Variants in GPR176 observed in about 807,000 individuals in gnomAD.
The protein encoded by GPR176 is G-protein coupled receptor 176.
In GPR176, 26 loss-of-function variants were observed where a neutral mutation model predicts 35.4. The ratio of observed to expected loss-of-function variants is 0.74; its 90% CI spans 0.54 to 1.02. The LOEUF (loss-of-function observed/expected upper bound fraction) is 1.02, where lower values mean the gene tolerates loss of function less well. Among genes scored for constraint, GPR176 ranks in the 50% least tolerant of loss-of-function variants. The probability of loss-of-function intolerance (pLI) is 0.00; values close to 1 mark genes in which losing one functional copy is unlikely to be tolerated. For missense variants in GPR176, 597 were observed against 665.3 expected (o/e 0.90, Z 1.13); for synonymous variants, 278 against 271.3 (o/e 1.02, Z -0.24).
intron 1 of GPR176, among the ~76,000 whole-genome samples, chr15:39,864,617 C>A (rs535202399): frequency 1.6e-4 from 24 of 152,178 alleles, no homozygotes; most frequent in African/African-American, 5.5e-4. Flanking sequence ...AAAAACTCTT[C>A]TGGACATTGG....
chr15:39,839,958 C>T (rs866461295), intron 1 of GPR176, among the ~76,000 whole-genome samples: 17 of 152,078 alleles, frequency 1.1e-4, no homozygotes, highest in Middle Eastern at 3.2e-3. Flanking sequence ...GTTAGAATGG[C>T]GATCATTAAA....
intron 1 of GPR176, among the ~76,000 whole-genome samples, chr15:39,889,499 A>T (rs1471614323): frequency 6.6e-6 from 1 of 151,912 alleles, no homozygotes; most frequent in Non-Finnish European, 1.5e-5. Flanking sequence ...GTGAGCTGAG[A>T]TTGTGCCATT....
rs190007805 is a variant in GPR176 at position 39,865,927 on chromosome 15, G to A, written c.172+53928C>T. The stretch of plus-strand genomic sequence containing the variant: ...TATTCATTGTAGCATTAGTTGTAAC[G>A]GTGAAAGACTGGAAACAAAACAGAT... On this transcript the variant is annotated intron_variant, in intron 1 of 2. Transcript: ENST00000561100. 5.9e-5 allele frequency among the ~76,000 whole-genome samples: 9 copies of A among 151,990 alleles called. No homozygotes were observed. In the East Asian group the frequency reaches 9.7e-4, roughly 16 times the overall value.
intron 1 of GPR176, among the ~76,000 whole-genome samples, chr15:39,835,020 C>T (rs1901306169): frequency 6.6e-6 from 1 of 151,484 alleles, no homozygotes. Context: ...ATCAAAATAT[C>T]TTTTTTTTTA....
chr15:39,907,413 G>A (rs1450755475), intron 1 of GPR176, among the ~76,000 whole-genome samples: 1 of 152,198 alleles, frequency 6.6e-6, no homozygotes, highest in African/African-American at 2.4e-5. Flanking sequence ...TGGATCAGCT[G>A]AGGACACTCA....
At chr15:39,867,375 A>G (rs2031871087) in intron 1 of GPR176, among the ~76,000 whole-genome samples, 1 of 152,224 alleles carries the variant, frequency 6.6e-6, no homozygotes, top group Non-Finnish European at 1.5e-5. Context: ...AATGTGGACA[A>G]TAAGAATAAG....
chr15:39,865,771 C>A (rs1186099148), intron 1 of GPR176, among the ~76,000 whole-genome samples: 1 of 152,110 alleles, frequency 6.6e-6, no homozygotes, highest in Non-Finnish European at 1.5e-5. Flanking sequence ...AAATATCTAA[C>A]AAATTTACAT....
At chr15:39,842,977 T>C (rs918644791) in intron 1 of GPR176, among the ~76,000 whole-genome samples, 2 of 151,882 alleles carry the variant, frequency 1.3e-5, no homozygotes, top group African/African-American at 4.8e-5. Context: ...AGCAACTTCT[T>C]GGAATCATAC....
chr15:39,871,239 T>C (rs868685721), intron 1 of GPR176, among the ~76,000 whole-genome samples: 8 of 152,176 alleles, frequency 5.3e-5, no homozygotes, highest in Admixed American at 2.6e-4. Context: ...AATGGGTTCA[T>C]AACTTGCATC....
chr15:39,809,959 C>G (rs1325483394), intron 1 of GPR176, among the ~76,000 whole-genome samples: 1 of 152,030 alleles, frequency 6.6e-6, no homozygotes, highest in Non-Finnish European at 1.5e-5. Context: ...TCCTGGCTAA[C>G]ATGGTGAAAC....
At chr15:39,877,726 AATTTTTGT>A (rs2032307160) in intron 1 of GPR176, among the ~76,000 whole-genome samples, 1 of 151,842 alleles carries the variant, frequency 6.6e-6, no homozygotes, top group South Asian at 2.1e-4. Context: ...ACACCTGGCT[AATTTTTGT>A]ATTTTTTGGC....
chr15:39,886,023 C>T (rs148699096), intron 1 of GPR176, among the ~76,000 whole-genome samples: 16 of 152,172 alleles, frequency 1.1e-4, no homozygotes, highest in African/African-American at 2.4e-4. Context: ...CACCTGAGGT[C>T]GGGAGTTTGA....
chr15:39,843,052 A>T (rs12148231), intron 1 of GPR176, among the ~76,000 whole-genome samples: 29 of 152,056 alleles, frequency 1.9e-4, no homozygotes, highest in Non-Finnish European at 3.4e-4. Flanking sequence ...ATTAAAAAAA[A>T]AAAAGTGGTG....
At chr15:39,891,359 G>A (rs115720140) in intron 1 of GPR176, among the ~76,000 whole-genome samples, 2,259 of 152,176 alleles carry the variant, frequency 0.015, 67 homozygotes, top group African/African-American at 0.052. Context: ...TGATATTTTC[G>A]GGGTTTTTTT....
intron 1 of GPR176, among the ~76,000 whole-genome samples, chr15:39,870,364 G>A (rs2031998581): frequency 6.6e-6 from 1 of 151,782 alleles, no homozygotes; most frequent in South Asian, 2.1e-4. Flanking sequence ...GCCTACTACA[G>A]GGGGGCTATA....
At position 39,919,961 on chromosome 15, in the gene GPR176, C is replaced by T; in HGVS notation, c.66G>A (p.Glu22=). The T allele has an allele frequency of 6.7e-7, 1 of 1,488,668 alleles. No homozygotes were observed. The highest frequency in any genetic ancestry group is 1.3e-5 in the South Asian group (1 of 76,384). 92.2% of individuals were successfully genotyped at this position (1,488,668 alleles called of 1,614,324 possible). Reference sequence around the variant, plus strand: ...GCGCGCTGCGGTTCACACCCGCAGCCTCGGCGCCGGACGCGTTGTGCGGCT... The same window carrying T: ...GCGCGCTGCGGTTCACACCCGCAGCTTCGGCGCCGGACGCGTTGTGCGGCT... The part of the protein sequence containing the change: ...ASEPHNASGA[E]AAGVNRSALG... The change falls in exon 1 of 3, where the codon GAG becomes GAA. Residue 22 remains glutamate (E), a synonymous_variant. Coordinates refer to ENST00000561100, the MANE Select transcript of GPR176 (RefSeq NM_007223.3).
At chr15:39,813,351 T>C (rs570446843) in intron 1 of GPR176, 1 of 152,356 alleles carries the variant, frequency 6.6e-6, no homozygotes, top group African/African-American at 2.4e-5. Flanking sequence ...GGTCTGCTAG[T>C]AATGAATTCC....
rs1240481880 is a variant in GPR176 at position 39,908,548 on chromosome 15, T to C, written c.172+11307A>G. On this transcript the variant is annotated intron_variant, in intron 1 of 2. Transcript: ENST00000561100. ...ACAAGTTTAAGCAATAAAGGAGATT[T>C]TCTTTTTTTTTTTTTCTTTTTTTTG... 2.7e-5 allele frequency among the ~76,000 whole-genome samples: 4 copies of C among 146,954 alleles called. No individual in the cohort carries two copies. The East Asian group carries it at 8.1e-4, about 30-fold the overall frequency.
rs58251937 is a variant in GPR176, at chr15:39,878,096, CTGTGTGTGTGTGTGTGTG to C, written c.172+41741_172+41758del. On this transcript the variant is annotated intron_variant, in intron 1 of 2. Transcript: ENST00000561100. The stretch of plus-strand genomic sequence containing the variant: ...CATATCCATCACCTCCCATAGTTAC[CTGTGTGTGTGTGTGTGTG>C]TGTGTGTGTGTGTGTGTGTGTTGAG... Among the ~76,000 whole-genome samples, 10 of 130,042 alleles carry C rather than the reference CTGTGTGTGTGTGTGTGTG, an allele frequency of 7.7e-5. No homozygotes were observed. In the East Asian group the frequency reaches 1.4e-3, roughly 18 times the overall value. 85.3% of individuals were successfully genotyped at this position (130,042 alleles called of 152,430 possible).
Sources: gnomAD v4.1 joint callset for allele counts (sites outside exome capture counted in the v4.1 genomes callset) on GRCh38, gnomAD v4.1.1 for gene constraint, MANE v1.5 for transcripts, NCBI Gene and HGNC (gene_info 2026-07-23, HGNC 2026-07-21) for gene names.